The following XKR4 variants were observed in gnomAD, a reference collection of about 807,000 sequenced individuals.
The protein encoded by XKR4 is XK related 4, also known as XK-related protein 4.
Under a neutral mutation model 53.9 loss-of-function variants are expected in XKR4, and 12 were observed. The observed-to-expected ratio is 0.22, with a 90% confidence interval of 0.14 to 0.36. XKR4 has a LOEUF of 0.36. XKR4 is among the 10% of genes least tolerant of loss of function. The pLI is 1.00. For synonymous variants in XKR4, 354 were observed against 362.4 expected (o/e 0.98, Z 0.26); for missense variants, 799 against 859.5 (o/e 0.93, Z 0.88).
intron 1 of XKR4, among the ~76,000 whole-genome samples, chr8:55,150,145 A>C (rs1816821670): frequency 6.6e-6 from 1 of 152,218 alleles, no homozygotes; most frequent in South Asian, 2.1e-4. Context: ...ACACCATTTC[A>C]TGGGTTATTT....
chr8:55,348,692 AC>A (rs1302039606), intron 1 of XKR4, among the ~76,000 whole-genome samples: 121 of 103,576 alleles, frequency 1.2e-3, no homozygotes, highest in African/African-American at 5.3e-3. Context: ...AGACAAACAT[AC>A]ACACACACAC....
intron 1 of XKR4, among the ~76,000 whole-genome samples, chr8:55,260,505 A>G (rs1004203576): frequency 3.9e-5 from 6 of 152,224 alleles, no homozygotes; most frequent in African/African-American, 1.4e-4. Flanking sequence ...AATCAAGGAC[A>G]TGGACACACA....
At chr8:55,310,047 G>T (rs917047259) in intron 1 of XKR4, among the ~76,000 whole-genome samples, 2 of 152,042 alleles carry the variant, frequency 1.3e-5, no homozygotes, top group East Asian at 1.9e-4. Flanking sequence ...GTGTGCATGT[G>T]TGTCTGTGTG....
intron 2 of XKR4, among the ~76,000 whole-genome samples, chr8:55,504,371 C>T (rs538488936): frequency 5.3e-5 from 8 of 150,406 alleles, no homozygotes; most frequent in African/African-American, 2.0e-4. Flanking sequence ...CCCCACCACA[C>T]CTGGCTAATT....
chr8:55,268,553 C>A (rs891352483), intron 1 of XKR4, among the ~76,000 whole-genome samples: 11 of 152,116 alleles, frequency 7.2e-5, no homozygotes, highest in African/African-American at 2.4e-4. Context: ...TACTACATAT[C>A]TACCAAAAGC....
chr8:55,294,782 G>C (rs975484349), intron 1 of XKR4, among the ~76,000 whole-genome samples: 2 of 152,248 alleles, frequency 1.3e-5, no homozygotes, highest in Admixed American at 1.3e-4. Flanking sequence ...TTACTTAATA[G>C]GTGAGTGTTT....
At chr8:55,121,096 GTTTA>G (rs1368722956) in intron 1 of XKR4, among the ~76,000 whole-genome samples, 2 of 152,162 alleles carry the variant, frequency 1.3e-5, no homozygotes, top group Non-Finnish European at 2.9e-5. Context: ...ATGTACTACA[GTTTA>G]TTTATCACTT....
intron 2 of XKR4, 110 bp from the exon 3 acceptor site, chr8:55,523,171 C>G: frequency 7.3e-6 from 6 of 827,212 alleles, no homozygotes; most frequent in Non-Finnish European, 1.1e-5. Context: ...AATTAAGAGT[C>G]TTTGCTGAGG....
chr8:55,149,642 A>T (rs1816815471), intron 1 of XKR4, among the ~76,000 whole-genome samples: 1 of 152,110 alleles, frequency 6.6e-6, no homozygotes, highest in African/African-American at 2.4e-5. Context: ...GTTTCAGAAG[A>T]TGCCCCAAGC....
intron 1 of XKR4, among the ~76,000 whole-genome samples, chr8:55,264,908 A>G (rs1023324532): frequency 8.5e-5 from 13 of 152,236 alleles, no homozygotes; most frequent in African/African-American, 3.1e-4. Context: ...ATATGGGAAG[A>G]ATCTCAGTCT....
At chr8:55,482,156 A>T (rs1248866613) in intron 2 of XKR4, among the ~76,000 whole-genome samples, 2 of 151,816 alleles carry the variant, frequency 1.3e-5, no homozygotes, top group South Asian at 2.1e-4. Flanking sequence ...CAAATGTCCA[A>T]CAATGATAGA....
chr8:55,437,601 C>T (rs531198404), intron 2 of XKR4, among the ~76,000 whole-genome samples: 18 of 152,294 alleles, frequency 1.2e-4, no homozygotes, highest in African/African-American at 3.6e-4. Flanking sequence ...TATAAGGAGA[C>T]GTAGCAAACA....
At chr8:55,300,776 C>T (rs752762165) in intron 1 of XKR4, among the ~76,000 whole-genome samples, 2 of 152,008 alleles carry the variant, frequency 1.3e-5, no homozygotes, top group African/African-American at 2.4e-5. Context: ...GCAGGATGAT[C>T]GCCCCAACAA....
At chr8:55,304,595 G>T (rs1193667719) in intron 1 of XKR4, among the ~76,000 whole-genome samples, 4 of 152,070 alleles carry the variant, frequency 2.6e-5, no homozygotes, top group African/African-American at 9.7e-5. Context: ...TTGACAGTGG[G>T]GTGTTAAAGT....
At chr8:55,164,171 G>A (rs548022393) in intron 1 of XKR4, 5 of 456,476 alleles carry the variant, frequency 1.1e-5, no homozygotes, top group Non-Finnish European at 2.2e-5. Flanking sequence ...CACTGGCCTG[G>A]CCCAGCACAC....
At chr8:55,221,533 A>G (rs1265246538) in intron 1 of XKR4, among the ~76,000 whole-genome samples, 1 of 152,170 alleles carries the variant, frequency 6.6e-6, no homozygotes, top group Non-Finnish European at 1.5e-5. Flanking sequence ...CAAGGTGATC[A>G]TCACCTTAGG....
intron 1 of XKR4, among the ~76,000 whole-genome samples, chr8:55,189,372 A>C (rs751842524): frequency 2.0e-5 from 3 of 152,176 alleles, no homozygotes; most frequent in Non-Finnish European, 4.4e-5. Flanking sequence ...TGCCTCAATG[A>C]ACGGCGGGGA....
intron 1 of XKR4, among the ~76,000 whole-genome samples, chr8:55,123,791 A>T (rs550611195): frequency 1.3e-5 from 2 of 152,332 alleles, no homozygotes; most frequent in Admixed American, 6.5e-5. Context: ...TTATTGATTT[A>T]TCAGTGTGCT....
At chr8:55,501,712 G>GTT (rs1221146500) in intron 2 of XKR4, among the ~76,000 whole-genome samples, 10 of 151,568 alleles carry the variant, frequency 6.6e-5, no homozygotes, top group Admixed American at 3.3e-4. Context: ...GTAACATTTT[G>GTT]TTTATCCATT....
Sources: allele counts gnomAD v4.1 joint callset (sites outside exome capture counted in the v4.1 genomes callset), GRCh38; gene constraint gnomAD v4.1.1; transcripts MANE v1.5; gene names NCBI Gene and HGNC (gene_info 2026-07-23, HGNC 2026-07-21).